Variants in WNT2B observed in about 807,000 individuals in gnomAD.
WNT2B encodes the protein Wnt family member 2B.
In WNT2B, 19 loss-of-function variants were observed where a neutral mutation model predicts 40.5. That is an observed-to-expected ratio of 0.47 (90% confidence interval 0.33 to 0.69). The LOEUF (loss-of-function observed/expected upper bound fraction) is 0.69, where lower values mean the gene tolerates loss of function less well. Among genes scored for constraint, WNT2B ranks in the 30% least tolerant of loss-of-function variants. WNT2B has a pLI of 0.02. For missense variants in WNT2B, 467 were observed against 556.4 expected (o/e 0.84, Z 1.62); for synonymous variants, 220 against 211.9 (o/e 1.04, Z -0.33).
rs1652853675 is a variant in WNT2B, at chr1:112,521,207, C to G, written c.*698C>G. 6.6e-6 allele frequency: 1 copy of G among 152,222 alleles called. No homozygotes were observed. The allele number at this position is 152,222 out of a possible 1,614,324, so 9.4% of individuals were successfully genotyped here. ...TTTGCTTACTTGCTGCCTGTTCAAA[C>G]TGAGGTGGAATGCAGTGGTTCCCAT... On this transcript the variant is annotated 3_prime_UTR_variant, in exon 5 of 5. Coordinates refer to ENST00000369684, the MANE Select transcript of WNT2B (RefSeq NM_024494.3).
rs748958296 is a variant in WNT2B, at chr1:112,529,454, T to C, written c.*8945T>C. On this transcript the variant is annotated 3_prime_UTR_variant, in exon 5 of 5. Coordinates refer to ENST00000369684, the MANE Select transcript of WNT2B (RefSeq NM_024494.3). ...TTCAGGTTGCACTGTAATTTCCCTA[T>C]GTAATACAAACCCATGGAATCTGAC... The C allele has an allele frequency of 1.3e-5, 2 of 152,228 alleles. No homozygotes were observed. The highest frequency in any genetic ancestry group is 2.4e-5 in the African/African-American group (1 of 41,464). The allele number at this position is 152,228 out of a possible 1,614,324, so 9.4% of individuals were successfully genotyped here.
intron 1 of WNT2B, among the ~76,000 whole-genome samples, chr1:112,512,309 T>C (rs1652381667): frequency 1.3e-5 from 2 of 152,158 alleles, no homozygotes; most frequent in Non-Finnish European, 2.9e-5. Flanking sequence ...ACTGGGGATA[T>C]TGAATTGAAC....
chr1:112,515,459 C>CCCCAACACT lies in WNT2B; in HGVS notation c.403+375_403+383dup, dbSNP rs372846817. On this transcript the variant is annotated intron_variant, in intron 2 of 4. Transcript: ENST00000369684. This position sits in a 1 kb window ranked among gnomAD's most constrained non-coding sequence, Gnocchi z 4.4. The stretch of plus-strand genomic sequence containing the variant: ...CTTAACACCACCATCACTATCGTCA[C>CCCCAACACT]CCCAACACTCCCAACACTACAGTAA... Among the ~76,000 whole-genome samples the CCCCAACACT allele has an allele frequency of 6.6e-6, 1 of 152,158 alleles. No homozygotes were observed. The highest frequency in any genetic ancestry group is 1.5e-5 in the Non-Finnish European group (1 of 68,034).
intron 1 of WNT2B, among the ~76,000 whole-genome samples, chr1:112,498,853 A>C (rs969009070): frequency 1.3e-5 from 2 of 152,068 alleles, no homozygotes; most frequent in Non-Finnish European, 2.9e-5. Context: ...ATTCACACCA[A>C]TGTAAGTTTT....
intron 1 of WNT2B, among the ~76,000 whole-genome samples, chr1:112,482,887 G>A (rs1042868779): frequency 1.2e-4 from 19 of 152,076 alleles, no homozygotes; most frequent in Admixed American, 1.3e-4. Flanking sequence ...CAGATTTAAC[G>A]CCATCCCTAT....
rs535256162 is a variant in WNT2B at position 112,494,215 on chromosome 1, C to T, written c.-94-20659C>T. 1.1e-4 allele frequency among the ~76,000 whole-genome samples: 16 copies of T among 151,210 alleles called. 1 individual carries two copies. Among genetic ancestry groups the T allele is most frequent in the African/African-American group, 3.2e-4 (13 of 40,666 alleles). Reference sequence around the variant, plus strand: ...GTCCCAGCTACTCGGGAGGCTGAGGCGGGAGAATCGTTTGAACCCGAGAAG... The same window carrying T: ...GTCCCAGCTACTCGGGAGGCTGAGGTGGGAGAATCGTTTGAACCCGAGAAG... On this transcript the variant is annotated intron_variant, in intron 1 of 4. Transcript: ENST00000256640.
At position 112,529,175 on chromosome 1, in the gene WNT2B, T is replaced by G. The variant is rs889583409; in HGVS notation, c.*8666T>G. 5.3e-5 allele frequency: 8 copies of G among 152,174 alleles called. No homozygotes were observed. The highest frequency in any genetic ancestry group is 1.7e-4 in the African/African-American group (7 of 41,424). 9.4% of individuals were successfully genotyped at this position (152,174 alleles called of 1,614,324 possible). ...CACTGAGTGTGTGTGTGTTTGTGTG[T>G]TTGTGTGTGTGTGTACACTGAATAA... On this transcript the variant is annotated 3_prime_UTR_variant, in exon 5 of 5. Coordinates refer to ENST00000369684, the MANE Select transcript of WNT2B (RefSeq NM_024494.3).
intron 1 of WNT2B, among the ~76,000 whole-genome samples, chr1:112,495,779 C>T (rs1651744807): frequency 6.6e-6 from 1 of 152,122 alleles, no homozygotes; most frequent in African/African-American, 2.4e-5. Context: ...TAAAATAGCA[C>T]AGATTGGGCA....
intron 1 of WNT2B, among the ~76,000 whole-genome samples, chr1:112,479,152 T>C (rs533282184): frequency 1.2e-4 from 18 of 148,722 alleles, no homozygotes; most frequent in Non-Finnish European, 2.4e-4. Context: ...ACCAAGGAGG[T>C]AGAGGTTGCA....
rs1652484289 is a variant in WNT2B at position 112,515,218 on chromosome 1, T to A, written c.403+124T>A. ...ACTGTTTCATCATCAGAGAAAGAAC[T>A]GTGGGCAGAGCCCAGGATATAATTG... On this transcript the variant is annotated intron_variant, in intron 2 of 4. Coordinates refer to ENST00000369684, the MANE Select transcript of WNT2B (RefSeq NM_024494.3). This position sits in a 1 kb window ranked among gnomAD's most constrained non-coding sequence, Gnocchi z 4.4. 5 of 1,174,078 alleles carry A rather than the reference T, an allele frequency of 4.3e-6. No individual in the cohort carries two copies. In the East Asian group the frequency reaches 1.3e-4, roughly 30 times the overall value. 72.7% of individuals were successfully genotyped at this position (1,174,078 alleles called of 1,614,324 possible).
chr1:112,490,690 C>T (rs891664041), intron 1 of WNT2B, among the ~76,000 whole-genome samples: 3 of 152,152 alleles, frequency 2.0e-5, no homozygotes, highest in East Asian at 1.9e-4. Context: ...AGGCTTTCAC[C>T]GTGTTAGCCA....
chr1:112,514,676 C>T, intron 1 of WNT2B, 198 bp from the exon 2 acceptor site: 1 of 614,068 alleles, frequency 1.6e-6, no homozygotes, highest in South Asian at 1.9e-5. Context: ...CTCAATTACT[C>T]TCTCTGCAAC....
At position 112,526,117 on chromosome 1, in the gene WNT2B, A is replaced by C. The variant is rs544303721; in HGVS notation, c.*5608A>C. On this transcript the variant is annotated 3_prime_UTR_variant, in exon 5 of 5. Transcript: ENST00000369684. ...GGGCACCAGAGTCCCAGCACCTTCA[A>C]AACAGAAATTGATACAAAATGTTCA... is the stretch of plus-strand genomic sequence containing the variant. The C allele has an allele frequency of 1.4e-5, 22 of 1,613,984 alleles. 1 individual carries two copies. In the Middle Eastern group the frequency reaches 9.9e-4, roughly 72 times the overall value.
upstream of WNT2B, among the ~76,000 whole-genome samples, chr1:112,506,604 G>T (rs987473872): frequency 1.3e-5 from 2 of 152,170 alleles, no homozygotes; most frequent in Non-Finnish European, 2.9e-5. Context: ...GTAGGGATGG[G>T]GCTGGGTTGG....
chr1:112,491,224 A>G (rs925550957), intron 1 of WNT2B: 18 of 730,796 alleles, frequency 2.5e-5, no homozygotes, highest in African/African-American at 1.8e-4. Context: ...CCTGGCCAAC[A>G]TGGTGAAACT....
intron 1 of WNT2B, among the ~76,000 whole-genome samples, chr1:112,491,755 G>A (rs1324921908): frequency 1.3e-5 from 2 of 152,106 alleles, no homozygotes; most frequent in African/African-American, 4.8e-5. Flanking sequence ...GCTAGGTATG[G>A]AGGCCCACAC....
chr1:112,480,200 C>T (rs905896734), intron 1 of WNT2B, among the ~76,000 whole-genome samples: 1 of 151,832 alleles, frequency 6.6e-6, no homozygotes, highest in African/African-American at 2.4e-5. Context: ...AATCCTATCT[C>T]TACTAAAAAT....
intron 1 of WNT2B, among the ~76,000 whole-genome samples, chr1:112,471,563 T>C (rs918250512): frequency 1.3e-5 from 2 of 152,206 alleles, no homozygotes; most frequent in African/African-American, 2.4e-5. Flanking sequence ...TCTCAGTTTT[T>C]TGAGAGATTT....
intron 1 of WNT2B, among the ~76,000 whole-genome samples, chr1:112,483,432 G>A (rs1202790573): frequency 1.3e-5 from 2 of 152,056 alleles, no homozygotes; most frequent in African/African-American, 2.4e-5. Context: ...AATGCAGAAG[G>A]ATGAAATTGG....
Sources: allele counts gnomAD v4.1 joint callset (sites outside exome capture counted in the v4.1 genomes callset), GRCh38; gene constraint gnomAD v4.1.1; non-coding constraint Gnocchi (gnomAD v3.1); transcripts MANE v1.5; gene names NCBI Gene and HGNC (gene_info 2026-07-23, HGNC 2026-07-21).